Variants in CECR2 observed in about 807,000 individuals in gnomAD.
CECR2 encodes the protein chromatin remodeling regulator CECR2.
A neutral mutation model predicts 154.5 loss-of-function variants in CECR2; 30 were observed. The ratio of observed to expected loss-of-function variants is 0.19; its 90% confidence interval spans 0.15 to 0.26. CECR2 has a LOEUF of 0.26. CECR2 is among the 10% of genes least tolerant of loss of function. CECR2 has a pLI of 1.00. For missense variants in CECR2, 1,743 were observed against 1,829.3 expected, an observed-to-expected ratio of 0.95 and a Z score of 0.86; for synonymous variants, 725 against 683.7, an observed-to-expected ratio of 1.06 and a Z score of -0.94.
intron 8 of CECR2, among the ~76,000 whole-genome samples, chr22:17,514,863 CT>C: frequency 6.6e-6 from 1 of 152,126 alleles, no homozygotes; most frequent in South Asian, 2.1e-4. Context: ...GAAACCCCGT[CT>C]CTACTAAAAA....
chr22:17,534,529 A>G (rs887596311), intron 9 of CECR2, among the ~76,000 whole-genome samples: 2 of 151,766 alleles, frequency 1.3e-5, no homozygotes, highest in Non-Finnish European at 2.9e-5. Context: ...ATTTTTTGAG[A>G]CGGAGTCTCA....
intron 13 of CECR2, among the ~76,000 whole-genome samples, chr22:17,539,704 C>T (rs565253582): frequency 5.3e-4 from 81 of 152,044 alleles, no homozygotes; most frequent in Middle Eastern, 3.4e-3. Flanking sequence ...AAGGAAATGG[C>T]TCTTTCTACT....
chr22:17,529,535 C>T (rs1229489423), intron 9 of CECR2, among the ~76,000 whole-genome samples: 1 of 152,084 alleles, frequency 6.6e-6, no homozygotes, highest in East Asian at 1.9e-4. Flanking sequence ...CCCGTCTCTA[C>T]TAAAAATACA....
chr22:17,495,141 C>T (rs748758612), intron 2 of CECR2, among the ~76,000 whole-genome samples: 20 of 152,158 alleles, frequency 1.3e-4, no homozygotes, highest in Non-Finnish European at 2.6e-4. Flanking sequence ...CTTTAGGCCT[C>T]TTTGCTTATT....
chr22:17,487,599 G>A (rs1224373857), intron 2 of CECR2, among the ~76,000 whole-genome samples: 1 of 152,150 alleles, frequency 6.6e-6, no homozygotes, highest in Non-Finnish European at 1.5e-5. Flanking sequence ...TACTGAGGCA[G>A]GAGAGTGGTG....
intron 7 of CECR2, among the ~76,000 whole-genome samples, chr22:17,505,337 C>CT (rs1276744740): frequency 1.3e-5 from 2 of 149,944 alleles, no homozygotes; most frequent in African/African-American, 5.0e-5. Flanking sequence ...CTGTGTAATG[C>CT]TTTAAAAAAA....
intron 9 of CECR2, among the ~76,000 whole-genome samples, chr22:17,533,354 G>A (rs1034627736): frequency 3.3e-5 from 5 of 151,368 alleles, no homozygotes; most frequent in African/African-American, 4.9e-5. Flanking sequence ...TGATAGCTGG[G>A]CACAGTGGCT....
At position 17,549,069 on chromosome 22, in the gene CECR2, G is replaced by A. The variant is rs373544152; in HGVS notation, c.3782G>A (p.Arg1261His). 3.3e-5 allele frequency: 53 copies of A among 1,614,008 alleles called. No individual in the cohort carries two copies. The highest frequency in any genetic ancestry group is 2.6e-4 in the South Asian group (24 of 91,084). ...AATGCTGCCTTAACTTCTCCAACCC[G>A]TATGGATGCAGTGGCTGCTAAAGTC... ...TLNAALTSPT[R>H]MDAVAAKVPN... The change falls in exon 17 of 19, where the codon CGT becomes CAT. Residue 1261 changes from arginine (R) to histidine (H), a missense_variant. By Grantham distance (29) the Arg-to-His change is conservative. Transcript: ENST00000262608.
intron 1 of CECR2, among the ~76,000 whole-genome samples, chr22:17,408,700 G>A (rs2054021757): frequency 6.6e-6 from 1 of 152,190 alleles, no homozygotes; most frequent in Non-Finnish European, 1.5e-5. Flanking sequence ...CCACCAACAT[G>A]TTAGTTCATC....
intron 1 of CECR2, among the ~76,000 whole-genome samples, chr22:17,400,815 T>C (rs1445241404): frequency 6.6e-6 from 1 of 152,108 alleles, no homozygotes; most frequent in African/African-American, 2.4e-5. Context: ...AGTGGCATAA[T>C]CTCTTGCTCA....
In CECR2 at chr22:17,369,825, C is replaced by G. The variant is rs1209673033; in HGVS notation, c.42C>G (p.Leu14=). The change falls in exon 1 of 19, where the codon CTC becomes CTG. Residue 14 remains leucine (L), a synonymous_variant. Transcript: ENST00000262608. ...EEGGAAGLGE[L]RSWWEVPAIA... is the part of the protein sequence containing the mutation. ...GCGGCGCGGCCGGGCTGGGCGAGCT[C>G]CGCTCCTGGTGGGAGGTCCCGGCCA... The G allele has an allele frequency of 6.6e-6, 1 of 150,778 alleles. No individual in the cohort carries two copies. Among genetic ancestry groups the G allele is most frequent in the Non-Finnish European group, 1.5e-5 (1 of 67,612 alleles). 9.3% of individuals were successfully genotyped at this position (150,778 alleles called of 1,614,324 possible).
intron 1 of CECR2, among the ~76,000 whole-genome samples, chr22:17,440,153 A>G (rs1376072520): frequency 6.6e-6 from 1 of 152,132 alleles, no homozygotes; most frequent in Non-Finnish European, 1.5e-5. Context: ...AGAAAATTGT[A>G]TACAAACAAC....
intron 8 of CECR2, among the ~76,000 whole-genome samples, chr22:17,514,346 G>A (rs1173583190): frequency 6.6e-6 from 1 of 152,192 alleles, no homozygotes; most frequent in Non-Finnish European, 1.5e-5. Context: ...AGGGGAGCGT[G>A]TAAGGGCACA....
At chr22:17,522,629 C>T (rs1216943260) in intron 8 of CECR2, among the ~76,000 whole-genome samples, 2 of 152,206 alleles carry the variant, frequency 1.3e-5, no homozygotes, top group Admixed American at 6.5e-5. Flanking sequence ...TTTTGTCCCT[C>T]CTGTTCATTC....
intron 1 of CECR2, among the ~76,000 whole-genome samples, chr22:17,461,027 G>A (rs1239439048): frequency 1.3e-5 from 2 of 152,124 alleles, no homozygotes; most frequent in Non-Finnish European, 2.9e-5. Context: ...TTGTAGACCT[G>A]TCAATCCTGT....
chr22:17,526,732 C>T (rs1224722293), intron 9 of CECR2, among the ~76,000 whole-genome samples: 2 of 144,866 alleles, frequency 1.4e-5, no homozygotes, highest in African/African-American at 2.5e-5. Flanking sequence ...TCGCTTGAAC[C>T]TGGGCAGCAG....
chr22:17,470,986 C>T (rs1048101583), intron 1 of CECR2, among the ~76,000 whole-genome samples: 8 of 152,298 alleles, frequency 5.3e-5, no homozygotes, highest in African/African-American at 1.7e-4. Flanking sequence ...CTCCAAACCT[C>T]AGAGGCCTGG....
chr22:17,439,428 T>C (rs527801087), intron 1 of CECR2, among the ~76,000 whole-genome samples: 1 of 152,184 alleles, frequency 6.6e-6, no homozygotes, highest in South Asian at 2.1e-4. Flanking sequence ...AAGAAAAAAG[T>C]ATTTGCAAAG....
intron 1 of CECR2, among the ~76,000 whole-genome samples, chr22:17,436,425 C>T (rs776787469): frequency 1.3e-4 from 20 of 152,176 alleles, no homozygotes; most frequent in African/African-American, 3.9e-4. Flanking sequence ...ACTGGAGTGA[C>T]GGAAGAAAGA....
Sources: gnomAD v4.1 joint callset for allele counts (sites outside exome capture counted in the v4.1 genomes callset) on GRCh38, gnomAD v4.1.1 for gene constraint, MANE v1.5 for transcripts, NCBI Gene and HGNC (gene_info 2026-07-23, HGNC 2026-07-21) for gene names.